CALN1: variants seen among roughly 807,000 people sequenced by gnomAD.
CALN1 encodes calcium-binding protein 8.
In CALN1, 17 loss-of-function variants were observed where a neutral mutation model predicts 30.6. That is an observed-to-expected ratio of 0.56 (90% confidence interval 0.38 to 0.83). The LOEUF is 0.83. CALN1 is among the 40% of genes least tolerant of loss of function. CALN1 has a pLI of 0.00. For synonymous variants in CALN1, 156 were observed against 131.4 expected, an observed-to-expected ratio of 1.19 and a Z score of -1.28; for missense variants, 291 against 354.9, an observed-to-expected ratio of 0.82 and a Z score of 1.45.
At chr7:72,028,528 G>A (rs1007269637) in intron 4 of CALN1, among the ~76,000 whole-genome samples, 2 of 152,210 alleles carry the variant, frequency 1.3e-5, no homozygotes, top group South Asian at 2.1e-4. Context: ...GATGGAGAAG[G>A]GCACTCAGGA....
chr7:72,499,850 T>TTTCTTTCC, the CALN1 span, among the ~76,000 whole-genome samples: 1 of 32,152 alleles, frequency 3.1e-5, no homozygotes, highest in Admixed American at 3.4e-4. Flanking sequence ...TCTTTCTTTC[T>TTTCTTTCC]TTCTTTCTTT....
At chr7:72,485,430 T>A in the CALN1 span, among the ~76,000 whole-genome samples, 1 of 152,144 alleles carries the variant, frequency 6.6e-6, no homozygotes, top group African/African-American at 2.4e-5. Context: ...ATTTAGAAAG[T>A]TTTTGCTATT....
At chr7:72,451,381 A>AAGG (rs1433057635), upstream of CALN1, among the ~76,000 whole-genome samples, 1 of 122,188 alleles carries the variant, frequency 8.2e-6, no homozygotes, top group South Asian at 3.1e-4. Context: ...AAGAAAGAAG[A>AAGG]AGGAGGAGGA....
chr7:72,044,484 A>C (rs1391946902), intron 4 of CALN1, among the ~76,000 whole-genome samples: 2 of 152,038 alleles, frequency 1.3e-5, no homozygotes, highest in East Asian at 3.9e-4. Context: ...TATGGAAGAG[A>C]AATTATCCAG....
intron 3 of CALN1, among the ~76,000 whole-genome samples, chr7:72,165,090 G>A (rs1460319180): frequency 6.6e-6 from 1 of 152,140 alleles, no homozygotes; most frequent in Non-Finnish European, 1.5e-5. Context: ...TTTCTAAATT[G>A]TAAATTTTAA....
chr7:72,380,324 G>C (rs1255690489), intron 2 of CALN1, among the ~76,000 whole-genome samples: 1 of 152,168 alleles, frequency 6.6e-6, no homozygotes, highest in East Asian at 1.9e-4. Flanking sequence ...CTCAAAGAAA[G>C]AGCCTATTCC....
chr7:72,273,541 C>G (rs1379060978), intron 3 of CALN1, among the ~76,000 whole-genome samples: 5 of 119,508 alleles, frequency 4.2e-5, no homozygotes, highest in Non-Finnish European at 8.4e-5. Flanking sequence ...GAGACAGGGT[C>G]TTTCTTTCTC....
intron 2 of CALN1, among the ~76,000 whole-genome samples, chr7:72,349,285 TGTGTG>T: frequency 4.0e-4 from 3 of 7,510 alleles, no homozygotes; most frequent in Non-Finnish European, 1.1e-3. Context: ...CGCGTGCTTG[TGTGTG>T]TGTGTGTGTG....
chr7:71,864,254 GC>G (rs1791464217), intron 5 of CALN1, among the ~76,000 whole-genome samples: 1 of 152,096 alleles, frequency 6.6e-6, no homozygotes, highest in African/African-American at 2.4e-5. Context: ...CCCATGATTA[GC>G]TTAAAAATCA....
chr7:72,063,927 T>C (rs1467899243), intron 4 of CALN1, among the ~76,000 whole-genome samples: 3 of 152,170 alleles, frequency 2.0e-5, no homozygotes, highest in Admixed American at 1.3e-4. Context: ...TCAACCTGCA[T>C]AGCTTTTATG....
At chr7:71,881,101 C>T (rs1235200566) in intron 5 of CALN1, among the ~76,000 whole-genome samples, 2 of 152,198 alleles carry the variant, frequency 1.3e-5, no homozygotes, top group Non-Finnish European at 2.9e-5. Flanking sequence ...ATCTTTCTCC[C>T]GTGCTGGATG....
At chr7:71,897,123 A>C (rs555562878) in intron 5 of CALN1, among the ~76,000 whole-genome samples, 1 of 152,156 alleles carries the variant, frequency 6.6e-6, no homozygotes, top group Non-Finnish European at 1.5e-5. Context: ...ATCCACCAAC[A>C]CAAGAGAAAG....
At position 71,790,380 on chromosome 7, in the gene CALN1, G is replaced by GA. The variant is rs1456585324; in HGVS notation, c.659-2479dup. Among the ~76,000 whole-genome samples the GA allele has an allele frequency of 1.2e-3, 89 of 72,028 alleles. 1 individual carries two copies. The South Asian group carries it at 0.014, about 11-fold the overall frequency. The allele number at this position is 72,028 out of a possible 152,430, so 47.3% of individuals were successfully genotyped here. On this transcript the variant is annotated intron_variant, in intron 6 of 6. Coordinates refer to ENST00000395275, the MANE Select transcript of CALN1 (RefSeq NM_031468.4). Reference sequence around the variant, plus strand: ...GAAAGAAAGAAAGAAAAGAAAGAAAGAAAGAAAGAAAGAAAGAAAGAAAGA... The same window carrying GA: ...GAAAGAAAGAAAGAAAAGAAAGAAAGAAAAGAAAGAAAGAAAGAAAGAAAGA...
chr7:72,243,587 C>T (rs1794981481), intron 3 of CALN1, among the ~76,000 whole-genome samples: 1 of 152,084 alleles, frequency 6.6e-6, no homozygotes, highest in African/African-American at 2.4e-5. Context: ...CATGAACCAG[C>T]GCTCCCCACT....
At chr7:71,811,143 C>T (rs1787931357) in intron 5 of CALN1, among the ~76,000 whole-genome samples, 1 of 151,392 alleles carries the variant, frequency 6.6e-6, no homozygotes, top group Non-Finnish European at 1.5e-5. Context: ...GTGATCCGCC[C>T]GCCTCGGCCT....
intron 4 of CALN1, among the ~76,000 whole-genome samples, chr7:72,049,892 C>T (rs1364154439): frequency 2.0e-5 from 3 of 151,280 alleles, no homozygotes; most frequent in Non-Finnish European, 1.5e-5. Context: ...TCACTGCAAC[C>T]TCTGCCTCCC....
chr7:72,421,963 T>C (rs1185697050), intron 1 of CALN1, among the ~76,000 whole-genome samples: 1 of 152,156 alleles, frequency 6.6e-6, no homozygotes, highest in Non-Finnish European at 1.5e-5. Context: ...ATTATTTCAT[T>C]CCTTTTCACA....
intron 4 of CALN1, among the ~76,000 whole-genome samples, chr7:72,053,880 C>T (rs1171971179): frequency 6.7e-6 from 1 of 150,032 alleles, no homozygotes; most frequent in African/African-American, 2.4e-5. Flanking sequence ...TCGGTGAGAA[C>T]ATACGATGCT....
Position 72,446,084 on chromosome 7 carries a change from G to C in CALN1, c.-226+958C>G, listed in dbSNP as rs550217136. Among the ~76,000 whole-genome samples, 159 of 152,230 alleles carry C rather than the reference G, an allele frequency of 1.0e-3. 1 individual carries two copies. Among genetic ancestry groups the C allele is most frequent in the African/African-American group, 3.4e-3 (142 of 41,532 alleles). On this transcript the variant is annotated intron_variant, in intron 1 of 6. Coordinates refer to the CALN1 transcript ENST00000395276. ...CCATGCCCCCGGGACCCCCAGAGAT[G>C]ACTGTCACTCAGGCCAATGAAAATG...
Sources: gnomAD v4.1 joint callset for allele counts (sites outside exome capture counted in the v4.1 genomes callset) on GRCh38, gnomAD v4.1.1 for gene constraint, MANE v1.5 for transcripts, NCBI Gene and HGNC (gene_info 2026-07-23, HGNC 2026-07-21) for gene names.